Variants in CHLSN observed in about 807,000 individuals in gnomAD.
CHLSN encodes the protein cholesin.
At chr7:1,104,641 T>C in the CHLSN span, among the ~76,000 whole-genome samples, 4 of 152,158 alleles carry the variant, frequency 2.6e-5, no homozygotes, top group Admixed American at 6.5e-5. Flanking sequence ...AAGTTTAAAC[T>C]AGACACTGTT....
At chr7:1,044,431 G>A in the CHLSN span, 1 of 151,906 alleles carries the variant, frequency 6.6e-6, no homozygotes, top group Non-Finnish European at 1.5e-5. Flanking sequence ...TGGTCCGAGC[G>A]GTTCCCCGCG....
chr7:1,103,460 T>C, the CHLSN span, among the ~76,000 whole-genome samples: 3 of 152,168 alleles, frequency 2.0e-5, no homozygotes, highest in East Asian at 5.8e-4. Context: ...CTCTTGGAGG[T>C]GTATCTGCAG....
At chr7:1,088,281 C>T in the CHLSN span, 5 of 152,384 alleles carry the variant, frequency 3.3e-5, no homozygotes, top group Admixed American at 3.3e-4. This position sits in a 1 kb window ranked among gnomAD's most constrained non-coding sequence, Gnocchi z 4.5. Flanking sequence ...ATGGGCCTGA[C>T]CAAGGAGGCT....
chr7:1,004,544 A>G, the CHLSN span, among the ~76,000 whole-genome samples: 2 of 152,166 alleles, frequency 1.3e-5, no homozygotes, highest in Admixed American at 1.3e-4. Flanking sequence ...CCCACCAGGC[A>G]GACTTCAAGC....
At chr7:1,057,971 G>T in the CHLSN span, 1 of 771,226 alleles carries the variant, frequency 1.3e-6, no homozygotes. Context: ...GCTTCGTGTG[G>T]GGTGGCGCGC....
At chr7:1,020,125 C>CCAGGCCCAGCAGTGCATGGATGCGG in the CHLSN span, among the ~76,000 whole-genome samples, 1 of 152,224 alleles carries the variant, frequency 6.6e-6, no homozygotes, top group African/African-American at 2.4e-5. Flanking sequence ...AACACGGGCA[C>CCAGGCCCAGCAGTGCATGGATGCGG]CAGGCCCAGC....
At chr7:987,801 C>T in the CHLSN span, among the ~76,000 whole-genome samples, 4 of 151,718 alleles carry the variant, frequency 2.6e-5, no homozygotes, top group African/African-American at 4.8e-5. Context: ...GTCCATGTGT[C>T]CTAGGCGATC....
At chr7:1,126,293 G>T in the CHLSN span, among the ~76,000 whole-genome samples, 34 of 145,104 alleles carry the variant, frequency 2.3e-4, no homozygotes, top group African/African-American at 8.7e-4. Context: ...CTGGGAGGCG[G>T]AGCTGGCAGT....
At chr7:1,114,869 C>A in the CHLSN span, among the ~76,000 whole-genome samples, 1 of 152,220 alleles carries the variant, frequency 6.6e-6, no homozygotes, top group Non-Finnish European at 1.5e-5. Context: ...TGCCCCTGCC[C>A]CGCACAAAGC....
chr7:1,089,585 CTTT>C, the CHLSN span, among the ~76,000 whole-genome samples: 1 of 151,854 alleles, frequency 6.6e-6, no homozygotes, highest in South Asian at 2.1e-4. Flanking sequence ...TGCCCAGCTA[CTTT>C]TTTTGTCTTT....
chr7:984,412 C>G, the CHLSN span: 1 of 1,547,314 alleles, frequency 6.5e-7, no homozygotes. Context: ...TCCCTGCCAG[C>G]TCTCAGAACG....
chr7:997,437 G>A, the CHLSN span: 1 of 541,602 alleles, frequency 1.8e-6, no homozygotes, highest in Non-Finnish European at 3.2e-6. Flanking sequence ...GGAGGGTCTG[G>A]AGGAGGGAAG....
At chr7:1,005,697 A>G in the CHLSN span, among the ~76,000 whole-genome samples, 1 of 152,336 alleles carries the variant, frequency 6.6e-6, no homozygotes, top group South Asian at 2.1e-4. Flanking sequence ...GGAAGCTAAG[A>G]CACCATGCTG....
At chr7:1,016,762 C>T in the CHLSN span, among the ~76,000 whole-genome samples, 4 of 89,192 alleles carry the variant, frequency 4.5e-5, no homozygotes, top group East Asian at 5.1e-4. Flanking sequence ...CACACGCCAG[C>T]GCACAGCGCA....
the CHLSN span, among the ~76,000 whole-genome samples, chr7:1,073,079 G>T: frequency 8.5e-5 from 13 of 152,134 alleles, no homozygotes; most frequent in African/African-American, 3.1e-4. Flanking sequence ...CTGTCATTCT[G>T]TTGTCTCTAG....
At chr7:1,078,073 G>A in the CHLSN span, 5 of 152,308 alleles carry the variant, frequency 3.3e-5, no homozygotes, top group African/African-American at 7.2e-5. Context: ...TTTTTACAGC[G>A]TTTGGGATTG....
chr7:1,001,306 C>T, the CHLSN span, among the ~76,000 whole-genome samples: 2 of 152,106 alleles, frequency 1.3e-5, no homozygotes, highest in African/African-American at 4.8e-5. Context: ...GCCCAGCTTG[C>T]CTGACCCCAC....
chr7:1,013,896 G>C, the CHLSN span, among the ~76,000 whole-genome samples: 1 of 152,238 alleles, frequency 6.6e-6, no homozygotes, highest in East Asian at 1.9e-4. Flanking sequence ...CCTGCGGTTA[G>C]ATGTCTTGAG....
the CHLSN span, among the ~76,000 whole-genome samples, chr7:1,037,261 A>G: frequency 7.2e-6 from 1 of 138,866 alleles, no homozygotes; most frequent in Non-Finnish European, 1.6e-5. Flanking sequence ...ATAAGGCAAG[A>G]AAAAGAAATG....
Sources: gnomAD v4.1 joint callset for allele counts (sites outside exome capture counted in the v4.1 genomes callset) on GRCh38, gnomAD v4.1.1 for gene constraint, Gnocchi (gnomAD v3.1) non-coding constraint, MANE v1.5 for transcripts, NCBI Gene and HGNC (gene_info 2026-07-23, HGNC 2026-07-21) for gene names.